The following MEGF11 variants were observed in gnomAD, a reference collection of about 807,000 sequenced individuals.
MEGF11 encodes the protein multiple EGF like domains 11.
Under a neutral mutation model 146.6 loss-of-function variants are expected in MEGF11, and 126 were observed. The ratio of observed to expected loss-of-function variants is 0.86; its 90% CI spans 0.74 to 1.00. The LOEUF (loss-of-function observed/expected upper bound fraction) is 1.00, where lower values mean the gene tolerates loss of function less well. Ranked by LOEUF, MEGF11 falls within the 50% of genes least tolerant of loss-of-function variation. MEGF11 has a pLI of 0.00. For missense variants in MEGF11, 1,509 were observed against 1,521.2 expected (o/e 0.99, Z 0.13); for synonymous variants, 532 against 583.4 (o/e 0.91, Z 1.27).
At chr15:66,036,921 C>T (rs1034065750) in intron 5 of MEGF11, among the ~76,000 whole-genome samples, 1 of 152,198 alleles carries the variant, frequency 6.6e-6, no homozygotes, top group Non-Finnish European at 1.5e-5. Context: ...TTCTTTCTTC[C>T]CTGCTTCCCT....
intron 1 of MEGF11, among the ~76,000 whole-genome samples, chr15:66,176,147 TA>T (rs1353168579): frequency 1.3e-5 from 2 of 152,202 alleles, no homozygotes; most frequent in East Asian, 3.9e-4. Flanking sequence ...ATGGTTATTA[TA>T]AAAAAATAAC....
chr15:66,114,070 G>A (rs1373185805), intron 4 of MEGF11, among the ~76,000 whole-genome samples: 1 of 152,116 alleles, frequency 6.6e-6, no homozygotes, highest in Non-Finnish European at 1.5e-5. Flanking sequence ...TTCTGGTTCG[G>A]CAGCTCACGT....
At chr15:66,087,423 C>T (rs1025972475) in intron 5 of MEGF11, among the ~76,000 whole-genome samples, 3 of 152,138 alleles carry the variant, frequency 2.0e-5, no homozygotes, top group Non-Finnish European at 2.9e-5. Context: ...ATATGATAGG[C>T]CATAAAATGA....
rs139925108 is a variant in MEGF11, at chr15:65,998,212, A to G, written c.395-15724T>C. 6.2e-4 allele frequency among the ~76,000 whole-genome samples: 94 copies of G among 152,282 alleles called. No homozygotes were observed. The East Asian group carries it at 0.016, about 27-fold the overall frequency. On this transcript the variant is annotated intron_variant, in intron 5 of 25. Coordinates refer to ENST00000395614, the MANE Select transcript of MEGF11 (RefSeq NM_001385028.1). Reference sequence around the variant, plus strand: ...GCAGGACTTGCAACCCTGGTCTAAGAGGGAGACAGTCCCTCTCTGCAGCTC... The same window carrying G: ...GCAGGACTTGCAACCCTGGTCTAAGGGGGAGACAGTCCCTCTCTGCAGCTC...
chr15:65,941,223 C>G (rs2079979918), intron 10 of MEGF11, among the ~76,000 whole-genome samples: 1 of 152,122 alleles, frequency 6.6e-6, no homozygotes, highest in Non-Finnish European at 1.5e-5. Context: ...TGAGACCAGA[C>G]TGGCTAACGT....
intron 5 of MEGF11, among the ~76,000 whole-genome samples, chr15:66,091,789 G>A (rs955099636): frequency 4.6e-5 from 7 of 152,218 alleles, no homozygotes; most frequent in Admixed American, 4.6e-4. Flanking sequence ...CTAGGAGTGA[G>A]CATTTAAGAG....
chr15:66,071,305 C>A (rs571894299), intron 5 of MEGF11, among the ~76,000 whole-genome samples: 31 of 152,260 alleles, frequency 2.0e-4, no homozygotes, highest in Non-Finnish European at 4.0e-4. Context: ...CTGGAGTCTG[C>A]CCTCCAAGAG....
intron 5 of MEGF11, among the ~76,000 whole-genome samples, chr15:66,066,209 T>A (rs2085118364): frequency 6.6e-6 from 1 of 152,046 alleles, no homozygotes; most frequent in Non-Finnish European, 1.5e-5. Flanking sequence ...CCAGGACATT[T>A]CCCTGAGGGC....
intron 5 of MEGF11, among the ~76,000 whole-genome samples, chr15:66,029,045 C>G (rs1346614897): frequency 1.3e-5 from 2 of 152,144 alleles, no homozygotes; most frequent in African/African-American, 4.8e-5. Context: ...GTCTCCGAAT[C>G]CATCCCTGTC....
intron 1 of MEGF11, among the ~76,000 whole-genome samples, chr15:66,224,964 C>T (rs1440432169): frequency 6.6e-6 from 1 of 152,124 alleles, no homozygotes; most frequent in Non-Finnish European, 1.5e-5. Flanking sequence ...TTAGCCCAAG[C>T]ACGCCAGCCC....
intron 1 of MEGF11, among the ~76,000 whole-genome samples, chr15:66,239,950 T>C (rs1053832945): frequency 2.0e-5 from 3 of 152,232 alleles, no homozygotes; most frequent in African/African-American, 7.2e-5. Flanking sequence ...TGAGTCACAG[T>C]GGCTCCACTC....
At chr15:66,065,642 C>T (rs6494546) in intron 5 of MEGF11, among the ~76,000 whole-genome samples, 1 of 152,112 alleles carries the variant, frequency 6.6e-6, no homozygotes, top group African/African-American at 2.4e-5. Flanking sequence ...ACATTTCCTG[C>T]GTCCAAGAGG....
chr15:66,096,787 T>C (rs913826659), intron 4 of MEGF11, among the ~76,000 whole-genome samples: 5 of 152,158 alleles, frequency 3.3e-5, no homozygotes, highest in East Asian at 1.9e-4. Flanking sequence ...ACCCAGCCCA[T>C]CTGCCTACCA....
chr15:65,926,343 C>G (rs539599299), intron 13 of MEGF11, among the ~76,000 whole-genome samples: 1 of 152,242 alleles, frequency 6.6e-6, no homozygotes, highest in Non-Finnish European at 1.5e-5. Context: ...AAGCCTCCCC[C>G]ACTTTAAGGG....
chr15:65,913,203 A>G (rs1158088164), intron 20 of MEGF11, among the ~76,000 whole-genome samples: 1 of 152,184 alleles, frequency 6.6e-6, no homozygotes, highest in African/African-American at 2.4e-5. Context: ...GGGCTCTGGC[A>G]CACTTGCCAG....
rs748250330 is a variant in MEGF11 at position 65,928,469 on chromosome 15, C to T, written c.1631G>A (p.Cys544Tyr). ...EHCDCSHADG[C>Y]DPVTGHCCCL... ...GCAGCAGTGGCCTGTGACGGGGTCA[C>T]ATCCATCAGCATGGCTGCAGTCACA... Residue 544 changes from cysteine to tyrosine, a missense_variant, in exon 13 of 26, where the codon TGT becomes TAT. Physicochemically the swap from Cys to Tyr is radical, Grantham distance 194 (BLOSUM62 -2). Coordinates refer to ENST00000395614, the MANE Select transcript of MEGF11 (RefSeq NM_001385028.1). The T allele has an allele frequency of 2.5e-6, 4 of 1,605,190 alleles. No individual in the cohort carries two copies. The highest frequency in any genetic ancestry group is 2.2e-5 in the South Asian group (2 of 89,100).
At chr15:66,114,188 G>A (rs974422560) in intron 4 of MEGF11, among the ~76,000 whole-genome samples, 2 of 152,196 alleles carry the variant, frequency 1.3e-5, no homozygotes, top group African/African-American at 2.4e-5. Flanking sequence ...GTGGCCATCT[G>A]TGTGGGACTT....
chr15:66,215,881 T>C (rs1339802356), intron 1 of MEGF11, among the ~76,000 whole-genome samples: 7 of 152,182 alleles, frequency 4.6e-5, no homozygotes, highest in Non-Finnish European at 1.0e-4. Flanking sequence ...AATTTACTGG[T>C]CTGGCTGGAG....
chr15:66,051,684 C>A (rs747529781), intron 5 of MEGF11, among the ~76,000 whole-genome samples: 11 of 152,152 alleles, frequency 7.2e-5, no homozygotes, highest in Non-Finnish European at 1.2e-4. Context: ...GGGGCATGCT[C>A]GGTGGCTCCT....
Sources: gnomAD v4.1 joint callset for allele counts (sites outside exome capture counted in the v4.1 genomes callset) on GRCh38, gnomAD v4.1.1 for gene constraint, MANE v1.5 for transcripts, NCBI Gene and HGNC (gene_info 2026-07-23, HGNC 2026-07-21) for gene names.